TPP2: variants seen among roughly 807,000 people sequenced by gnomAD.
TPP2 encodes tripeptidyl peptidase 2, also known as tripeptidyl-peptidase 2.
TPP2 carries 34 observed loss-of-function variants against 155.9 expected under a neutral mutation model. The observed-to-expected ratio is 0.22, with a 90% CI of 0.17 to 0.29. TPP2 has a LOEUF of 0.29. Among genes scored for constraint, TPP2 ranks in the 10% least tolerant of loss-of-function variants. The pLI, the probability that TPP2 is intolerant of heterozygous loss-of-function variation, is 1.00. For synonymous variants in TPP2, 510 were observed against 529.4 expected (o/e 0.96, Z 0.50); for missense variants, 1,028 against 1,522.3 (o/e 0.68, Z 5.40).
At chr13:102,618,910 T>C in intron 5 of TPP2, 64 bp downstream of exon 5, 1 of 1,549,416 alleles carries the variant, frequency 6.5e-7, no homozygotes. Flanking sequence ...CTGAAAAACA[T>C]TAAATGCTCA....
intron 1 of TPP2, among the ~76,000 whole-genome samples, chr13:102,600,827 TG>T (rs1156265799): frequency 6.6e-6 from 1 of 152,038 alleles, no homozygotes; most frequent in Non-Finnish European, 1.5e-5. Flanking sequence ...CCCCCCAAGT[TG>T]GGTTTTGTGT....
chr13:102,622,189 A>G (rs530073965), intron 5 of TPP2, among the ~76,000 whole-genome samples: 15 of 152,338 alleles, frequency 9.8e-5, no homozygotes, highest in African/African-American at 2.9e-4. Flanking sequence ...AGCTTGTTAA[A>G]ATACAGTTCT....
intron 13 of TPP2, 81 bp downstream of exon 13, chr13:102,636,473 T>G (rs1217191840): frequency 2.7e-6 from 4 of 1,464,568 alleles, no homozygotes; most frequent in Admixed American, 2.3e-5. Flanking sequence ...AATTGCTGTT[T>G]GGGCCAGTGT....
chr13:102,664,664 G>A, intron 26 of TPP2, 131 bp from the exon 27 acceptor site: 2 of 891,500 alleles, frequency 2.2e-6, no homozygotes, highest in Non-Finnish European at 3.2e-6. Flanking sequence ...GGGAGCCCCT[G>A]GGCTACAAGT....
intron 22 of TPP2, 42 bp from the exon 23 acceptor site, chr13:102,649,366 T>C: frequency 6.3e-7 from 1 of 1,577,706 alleles, no homozygotes; most frequent in Non-Finnish European, 8.6e-7. Context: ...TGTGAAACTT[T>C]CTCTTTTGTT....
At chr13:102,671,549 G>T (rs901579259) in intron 27 of TPP2, among the ~76,000 whole-genome samples, 5 of 152,150 alleles carry the variant, frequency 3.3e-5, no homozygotes, top group African/African-American at 1.2e-4. Flanking sequence ...TGGGCTAGCG[G>T]CTCCGTTTTC....
At chr13:102,665,634 C>G (rs549862652) in intron 27 of TPP2, among the ~76,000 whole-genome samples, 5 of 152,164 alleles carry the variant, frequency 3.3e-5, no homozygotes, top group Non-Finnish European at 7.3e-5. Flanking sequence ...TAAACCATCA[C>G]CTCATGGTAG....
chr13:102,632,032 T>G (rs1882052470), intron 10 of TPP2, among the ~76,000 whole-genome samples: 1 of 152,144 alleles, frequency 6.6e-6, no homozygotes, highest in South Asian at 2.1e-4. Flanking sequence ...GGTAGGTGAA[T>G]CACTTGAGGT....
At chr13:102,629,688 T>A in intron 9 of TPP2, 79 bp downstream of exon 9, 1 of 1,489,346 alleles carries the variant, frequency 6.7e-7, no homozygotes, top group Non-Finnish European at 8.9e-7. Context: ...GTTACCTGTA[T>A]CTCTGCTACA....
chr13:102,611,667 A>T (rs901722378), intron 2 of TPP2, among the ~76,000 whole-genome samples: 4 of 152,060 alleles, frequency 2.6e-5, no homozygotes, highest in African/African-American at 4.8e-5. Context: ...TCAAAAAAAT[A>T]AAAAAAAGAC....
chr13:102,674,085 G>A (rs1241784456), intron 27 of TPP2, among the ~76,000 whole-genome samples, 198 bp from the exon 28 acceptor site: 18 of 152,078 alleles, frequency 1.2e-4, no homozygotes, highest in Admixed American at 4.6e-4. Flanking sequence ...TAATCTATAT[G>A]TGTAATATAG....
At chr13:102,655,937 T>C (rs658332) in intron 24 of TPP2, among the ~76,000 whole-genome samples, 98,120 of 151,950 alleles carry the variant, frequency 0.65, 33,028 homozygotes, top group African/African-American at 0.86. Flanking sequence ...TTCCATTCAC[T>C]ATCCCTAACT....
intron 25 of TPP2, among the ~76,000 whole-genome samples, chr13:102,662,927 T>A (rs1336044632): frequency 6.6e-6 from 1 of 152,062 alleles, no homozygotes; most frequent in Admixed American, 6.5e-5. Flanking sequence ...TAAATTTTTA[T>A]TTTTTCTAGA....
chr13:102,632,985 G>C (rs1882119401), intron 10 of TPP2, among the ~76,000 whole-genome samples: 2 of 149,950 alleles, frequency 1.3e-5, no homozygotes, highest in African/African-American at 2.5e-5. Context: ...TATATGTATT[G>C]CTTTCAGTTC....
In TPP2 at chr13:102,649,096, A is replaced by G; in HGVS notation, c.2818A>G (p.Thr940Ala). 1 of 1,613,078 alleles carries G rather than the reference A, an allele frequency of 6.2e-7. No homozygotes were observed. The highest frequency in any genetic ancestry group is 8.5e-7 in the Non-Finnish European group (1 of 1,179,728). ...LLGKKKSSNL[T>A]LPPKYNQPFF... Reference sequence around the variant, plus strand: ...AGGGAAGAAGAAATCAAGCAATTTGACATTACCACCCAAATATAACCAGCC... The same window carrying G: ...AGGGAAGAAGAAATCAAGCAATTTGGCATTACCACCCAAATATAACCAGCC... The change falls in exon 22 of 30, where the codon ACA becomes GCA. Residue 940 changes from threonine to alanine, a missense_variant. Physicochemically the swap from Thr to Ala is moderately conservative, Grantham distance 58. Transcript: ENST00000376052.
chr13:102,651,574 TA>T (rs1883489078), intron 24 of TPP2, among the ~76,000 whole-genome samples, 177 bp downstream of exon 24: 1 of 124,164 alleles, frequency 8.1e-6, no homozygotes, highest in Non-Finnish European at 1.7e-5. Flanking sequence ...ACTGCTTTTC[TA>T]AAGGTTTTTT....
chr13:102,641,829 G>T (rs977074861), intron 16 of TPP2, among the ~76,000 whole-genome samples: 1 of 152,166 alleles, frequency 6.6e-6, no homozygotes, highest in Non-Finnish European at 1.5e-5. Flanking sequence ...TAATCGGGTT[G>T]TACTACACTC....
At chr13:102,604,690 ATG>A in intron 1 of TPP2, 101 bp from the exon 2 acceptor site, 1 of 1,300,422 alleles carries the variant, frequency 7.7e-7, no homozygotes, top group African/African-American at 1.5e-5. Context: ...TTTTAAGTGA[ATG>A]TAGATTTTGT....
rs1262087680 is a variant in TPP2 at position 102,635,601 on chromosome 13, A to G, written c.1408A>G (p.Asn470Asp). Residue 470 changes from asparagine (N) to aspartate (D), a missense_variant, in exon 12 of 30, where the codon AAC becomes GAC. This residue lies in a region of TPP2 where 325 missense variants were observed against 463.7 expected (regional missense o/e 0.70). Transcript: ENST00000376052. ...ALILSGLKAN[N>D]IDYTVHSVRR... ...CTTAATTTTAGGTCTGAAAGCTAAT[A>G]ACATTGACTACACAGTTCATTCAGT... 3 of 1,612,318 alleles carry G rather than the reference A, an allele frequency of 1.9e-6. No individual in the cohort carries two copies. Among genetic ancestry groups the G allele is most frequent in the Non-Finnish European group, 2.5e-6 (3 of 1,179,638 alleles).
Sources: gnomAD v4.1 joint callset for allele counts (sites outside exome capture counted in the v4.1 genomes callset) on GRCh38, gnomAD v4.1.1 for gene constraint, gnomAD v4.1.1 regional missense constraint, MANE v1.5 for transcripts, NCBI Gene and HGNC (gene_info 2026-07-23, HGNC 2026-07-21) for gene names.